The following ADGRV1 variants were observed in gnomAD, a reference collection of about 807,000 sequenced individuals.
ADGRV1 encodes adhesion G protein-coupled receptor V1.
In ADGRV1, 359 loss-of-function variants were observed where a neutral mutation model predicts 596.2. That is an observed-to-expected ratio of 0.60 (90% CI 0.55 to 0.66). The LOEUF (loss-of-function observed/expected upper bound fraction) is 0.66, where lower values mean the gene tolerates loss of function less well. Ranked by LOEUF, ADGRV1 falls within the 30% of genes least tolerant of loss-of-function variation. The pLI is 0.00. For missense variants in ADGRV1, 7,274 were observed against 7,575.6 expected (o/e 0.96, Z 1.48); for synonymous variants, 2,681 against 2,679.2 (o/e 1.00, Z -0.02).
rs1412844494 is a variant in ADGRV1, at chr5:90,647,758, T to C, written c.3283T>C (p.Ser1095Pro). 1 of 1,610,872 alleles carries C rather than the reference T, an allele frequency of 6.2e-7. No individual in the cohort carries two copies. Among genetic ancestry groups the C allele is most frequent in the Non-Finnish European group, 8.5e-7 (1 of 1,178,076 alleles). ...DEPFYIILLN[S>P]TGDTVVYQYG... ...GCCCTTTTATATAATCCTCTTGAATTCAACAGGTAAGTAAATTATGCTTTT... is the reference window on the plus strand; with the variant it reads ...GCCCTTTTATATAATCCTCTTGAATCCAACAGGTAAGTAAATTATGCTTTT... The change falls in exon 17 of 90, where the codon TCA (serine) becomes CCA (proline). Residue 1095 changes from serine to proline, a missense_variant. Transcript: ENST00000405460.
intron 34 of ADGRV1, among the ~76,000 whole-genome samples, chr5:90,701,817 C>T (rs77198275): frequency 0.073 from 11,052 of 151,554 alleles, 556 homozygotes; most frequent in East Asian, 0.23. Flanking sequence ...TGTATTTATG[C>T]CCAAATCTCT....
intron 85 of ADGRV1, among the ~76,000 whole-genome samples, chr5:91,066,331 C>T (rs552841413): frequency 6.6e-6 from 1 of 152,144 alleles, no homozygotes; most frequent in Non-Finnish European, 1.5e-5. Context: ...GTGCTCTAAT[C>T]CTCAAACTAA....
intron 84 of ADGRV1, among the ~76,000 whole-genome samples, chr5:90,973,564 C>T (rs368972075): frequency 3.3e-5 from 5 of 152,104 alleles, no homozygotes; most frequent in Non-Finnish European, 5.9e-5. Context: ...AATCAGTAAA[C>T]GTAATCCAGC....
intron 83 of ADGRV1, among the ~76,000 whole-genome samples, chr5:90,887,215 GC>G (rs1252840293): frequency 5.3e-5 from 8 of 152,154 alleles, no homozygotes; most frequent in African/African-American, 1.7e-4. Context: ...AAGCTGTCGT[GC>G]CTTGGAACCT....
intron 77 of ADGRV1, among the ~76,000 whole-genome samples, chr5:90,833,613 T>G (rs1764704224): frequency 6.6e-6 from 1 of 152,180 alleles, no homozygotes; most frequent in African/African-American, 2.4e-5. Flanking sequence ...GCAGAGATCT[T>G]TCACTTGTTT....
chr5:90,791,842 G>C (rs1456642237), intron 70 of ADGRV1: 6 of 153,662 alleles, frequency 3.9e-5, no homozygotes, highest in African/African-American at 1.4e-4. Flanking sequence ...ATGGTAATGA[G>C]GAGAAATCAT....
chr5:91,042,760 AT>A (rs1195367528), intron 85 of ADGRV1, among the ~76,000 whole-genome samples: 12 of 152,278 alleles, frequency 7.9e-5, no homozygotes, highest in Admixed American at 5.9e-4. Flanking sequence ...TTATGCAGTT[AT>A]AAAATTATGG....
chr5:90,656,610 G>C (rs954962583), intron 20 of ADGRV1, among the ~76,000 whole-genome samples: 1 of 152,202 alleles, frequency 6.6e-6, no homozygotes, highest in Non-Finnish European at 1.5e-5. Flanking sequence ...TGGGCAGGAA[G>C]GTGGTCTCTG....
Position 90,675,245 on chromosome 5 carries a change from T to C in ADGRV1, c.5113T>C (p.Leu1705=), listed in dbSNP as rs1257825321. Residue 1705 remains leucine (L), a splice_region_variant and synonymous_variant, in exon 24 of 90, where the codon TTG becomes CTG. Coordinates refer to ENST00000405460, the MANE Select transcript of ADGRV1 (RefSeq NM_032119.4). ...CCTGGCCCCTTTGTCTCCACTAGGC[T>C]TGCTGCAGTTCTCCACAGGGCTGCC... ...TIKASDHPYG[L]LQFSTGLPPQ... is the part of the protein sequence containing the mutation. The C allele has an allele frequency of 4.3e-6, 7 of 1,612,824 alleles. No individual in the cohort carries two copies. In the South Asian group the frequency reaches 7.7e-5, roughly 18 times the overall value.
chr5:90,983,258 A>G (rs570423189), intron 84 of ADGRV1, among the ~76,000 whole-genome samples: 2 of 152,334 alleles, frequency 1.3e-5, no homozygotes, highest in African/African-American at 4.8e-5. Flanking sequence ...AAATCTAACA[A>G]TTACATTTGT....
intron 79 of ADGRV1, 30 bp downstream of exon 79, chr5:90,848,851 C>G (rs114089554): frequency 5.4e-6 from 8 of 1,476,952 alleles, no homozygotes; most frequent in African/African-American, 1.5e-5. Flanking sequence ...TTAGCAGTAC[C>G]TTTTATGCAT....
rs2152056643 is a variant in ADGRV1 at position 90,617,896 on chromosome 5, A to G, written c.300A>G (p.Val100=). The change falls in exon 3 of 90, where the codon GTA becomes GTG. Residue 100 remains valine, a synonymous_variant. Transcript: ENST00000405460. ...GETNRTVYIA[V]CDDDLPEPDE... is the part of the protein sequence containing the mutation. Reference sequence around the variant, plus strand: ...CAAACAGAACAGTGTACATAGCAGTATGTGATGATGACTTACCAGAGCCTG... The same window carrying G: ...CAAACAGAACAGTGTACATAGCAGTGTGTGATGATGACTTACCAGAGCCTG... The G allele has an allele frequency of 6.3e-7, 1 of 1,596,150 alleles. No homozygotes were observed. The highest frequency in any genetic ancestry group is 8.5e-7 in the Non-Finnish European group (1 of 1,170,048).
Position 90,905,872 on chromosome 5 carries a change from A to G in ADGRV1, c.17856+42015A>G, listed in dbSNP as rs545296623. ...ATATGGTGCTAGCTGTGGGCCTGCT[A>G]TATGTGGCTTTATTGCATTGAGATG... On this transcript the variant is annotated intron_variant, in intron 83 of 89. Transcript: ENST00000405460. Among the ~76,000 whole-genome samples, 4 of 152,118 alleles carry G rather than the reference A, an allele frequency of 2.6e-5. No individual in the cohort carries two copies. In the East Asian group the frequency reaches 7.7e-4, roughly 29 times the overall value.
chr5:90,842,575 G>A (rs1181149401), intron 78 of ADGRV1, among the ~76,000 whole-genome samples: 3 of 151,992 alleles, frequency 2.0e-5, no homozygotes, highest in South Asian at 2.1e-4. Flanking sequence ...AAAATTAGCC[G>A]GGCATGGTGG....
At position 90,756,986 on chromosome 5, in the gene ADGRV1, G is replaced by A. The variant is rs1440392035; in HGVS notation, c.11765G>A (p.Gly3922Glu). 8.1e-6 allele frequency: 13 copies of A among 1,599,124 alleles called. No individual in the cohort carries two copies. The highest frequency in any genetic ancestry group is 1.1e-5 in the Non-Finnish European group (13 of 1,172,490). The change falls in exon 57 of 90, where the codon GGG (glycine) becomes GAG (glutamate). Residue 3922 changes from glycine (G) to glutamate (E), a missense_variant. Gly to Glu is a moderately conservative substitution (Grantham distance 98). Coordinates refer to ENST00000405460, the MANE Select transcript of ADGRV1 (RefSeq NM_032119.4). The stretch of plus-strand genomic sequence containing the variant: ...TATATTCTTTACTTAAAGGGCGCTG[G>A]GGAAGTTATTACTGCCTATGAGGTG... ...IFMFHVTRGA[G>E]EVITAYEVPP...
rs367825476 is a variant in ADGRV1 at position 90,694,309 on chromosome 5, A to G, written c.7553A>G (p.Glu2518Gly). Residue 2518 changes from glutamate to glycine, a missense_variant, in exon 33 of 90, where the codon GAA (glutamate) becomes GGA (glycine). Physicochemically the swap from Glu to Gly is moderately conservative, Grantham distance 98. Transcript: ENST00000405460. ...RQWAIMQEGDEFANLTVSILP... is the reference protein window; with the variant it reads ...RQWAIMQEGDGFANLTVSILP... ...TGGGCCATAATGCAGGAAGGTGATG[A>G]ATTCGCAAATCTCACAGTGTCTATT... The G allele has an allele frequency of 6.2e-7, 1 of 1,613,986 alleles. No individual in the cohort carries two copies. The highest frequency in any genetic ancestry group is 2.2e-5 in the East Asian group (1 of 44,876).
At chr5:91,073,751 G>A (rs773132664) in intron 86 of ADGRV1, among the ~76,000 whole-genome samples, 4 of 152,142 alleles carry the variant, frequency 2.6e-5, no homozygotes, top group Admixed American at 1.3e-4. Flanking sequence ...AGCTTGGAGT[G>A]CAGTGGCATG....
At position 90,728,830 on chromosome 5, in the gene ADGRV1, G is replaced by T. The variant is rs373354231; in HGVS notation, c.10323G>T (p.Gly3441=). 96 of 1,613,780 alleles carry T rather than the reference G, an allele frequency of 5.9e-5. 1 individual carries two copies. Among genetic ancestry groups the T allele is most frequent in the Non-Finnish European group, 7.7e-5 (91 of 1,179,866 alleles). The change falls in exon 49 of 90, where the codon GGG becomes GGT. Residue 3441 remains glycine (G), a synonymous_variant. Coordinates refer to ENST00000405460, the MANE Select transcript of ADGRV1 (RefSeq NM_032119.4). The part of the protein sequence containing the change: ...NSLLFRWSGS[G]FINFQEVPVS... ...TTTTATTCAGATGGTCTGGCAGTGG[G>T]TTTATTAACTTTCAAGAGGTGCCTG...
At chr5:90,614,164 AAAAAAAAAG>A (rs1561385233) in intron 1 of ADGRV1, 49 of 370,308 alleles carry the variant, frequency 1.3e-4, no homozygotes, top group Non-Finnish European at 1.8e-4. Flanking sequence ...TGAAAAAAAA[AAAAAAAAAG>A]AAAGTTGTCA....
Sources: gnomAD v4.1 joint callset for allele counts (sites outside exome capture counted in the v4.1 genomes callset) on GRCh38, gnomAD v4.1.1 for gene constraint, MANE v1.5 for transcripts, NCBI Gene and HGNC (gene_info 2026-07-23, HGNC 2026-07-21) for gene names.